EPB41L2: variants seen among roughly 807,000 people sequenced by gnomAD.
The protein encoded by EPB41L2 is band 4.1-like protein 2.
In EPB41L2, 43 loss-of-function variants were observed where a neutral mutation model predicts 113.0. That is an observed-to-expected ratio of 0.38 (90% CI 0.30 to 0.49). The LOEUF is 0.49. EPB41L2 is among the 20% of genes least tolerant of loss of function. EPB41L2 has a pLI of 0.95. For synonymous variants in EPB41L2, 442 were observed against 436.7 expected (o/e 1.01, Z -0.15); for missense variants, 1,147 against 1,223.4 (o/e 0.94, Z 0.93).
At chr6:130,874,497 T>A (rs12527744) in intron 14 of EPB41L2, among the ~76,000 whole-genome samples, 49,193 of 151,704 alleles carry the variant, frequency 0.32, 8,650 homozygotes, top group East Asian at 0.45. Flanking sequence ...AACACTCCCG[T>A]AGACAAATGC....
chr6:130,905,365 C>T lies in EPB41L2; in HGVS notation c.854-825G>A, dbSNP rs190619150. Among the ~76,000 whole-genome samples, 438 of 151,590 alleles carry T rather than the reference C, an allele frequency of 2.9e-3. 3 individuals are homozygous for T. The highest frequency in any genetic ancestry group is 0.01 in the African/African-American group (417 of 41,320). Reference sequence around the variant, plus strand: ...CCACTAGCCTGAATTTAGAGTTTGACTTCAAGTTCATAATATTTTTAAATT... The same window carrying T: ...CCACTAGCCTGAATTTAGAGTTTGATTTCAAGTTCATAATATTTTTAAATT... On this transcript the variant is annotated intron_variant, in intron 5 of 19. Coordinates refer to ENST00000337057, the MANE Select transcript of EPB41L2 (RefSeq NM_001431.4).
At chr6:130,965,468 T>G (rs759363004) in intron 1 of EPB41L2, among the ~76,000 whole-genome samples, 4 of 152,078 alleles carry the variant, frequency 2.6e-5, no homozygotes, top group Non-Finnish European at 5.9e-5. Flanking sequence ...TCAATTTTAT[T>G]TGGTCTCTAT....
intron 13 of EPB41L2, among the ~76,000 whole-genome samples, chr6:130,879,421 G>A (rs1455145155): frequency 6.6e-6 from 1 of 152,016 alleles, no homozygotes; most frequent in African/African-American, 2.4e-5. Flanking sequence ...GCTGCCAAAA[G>A]CAACCAAACA....
chr6:130,854,229 C>T (rs1409745459), intron 19 of EPB41L2, among the ~76,000 whole-genome samples: 3 of 152,120 alleles, frequency 2.0e-5, no homozygotes, highest in Admixed American at 2.0e-4. Context: ...CTTCCTGGAG[C>T]ACATCCTCTC....
At chr6:131,027,618 C>A (rs938345722) in intron 1 of EPB41L2, among the ~76,000 whole-genome samples, 3 of 152,186 alleles carry the variant, frequency 2.0e-5, no homozygotes, top group African/African-American at 7.2e-5. Context: ...AGCCAACCGT[C>A]ATAGCAATAG....
chr6:130,894,879 A>G, intron 9 of EPB41L2, 88 bp downstream of exon 9: 1 of 1,328,524 alleles, frequency 7.5e-7, no homozygotes, highest in Non-Finnish European at 1.0e-6. Flanking sequence ...ATTTTCTTAA[A>G]ATTTTAGAAT....
At chr6:131,039,454 C>T (rs1283636238) in intron 1 of EPB41L2, among the ~76,000 whole-genome samples, 1 of 152,106 alleles carries the variant, frequency 6.6e-6, no homozygotes, top group African/African-American at 2.4e-5. Context: ...AATAGCGAAA[C>T]AGTTTTATAG....
intron 1 of EPB41L2, among the ~76,000 whole-genome samples, chr6:130,959,203 G>A (rs1366148490): frequency 6.6e-6 from 1 of 152,128 alleles, no homozygotes; most frequent in African/African-American, 2.4e-5. Flanking sequence ...TGGAAATGGG[G>A]AACACCTGTA....
At chr6:130,853,542 G>A (rs1045747239) in intron 19 of EPB41L2, among the ~76,000 whole-genome samples, 1 of 152,212 alleles carries the variant, frequency 6.6e-6, no homozygotes, top group Non-Finnish European at 1.5e-5. Context: ...CAAAGATTTA[G>A]TGAAGTCCTC....
intron 1 of EPB41L2, among the ~76,000 whole-genome samples, chr6:130,979,731 C>T (rs1223498725): frequency 6.6e-6 from 1 of 151,946 alleles, no homozygotes; most frequent in African/African-American, 2.4e-5. Flanking sequence ...GACTTCCAAA[C>T]AAAGTAAGAA....
At chr6:130,927,051 C>A (rs1242770321) in intron 3 of EPB41L2, among the ~76,000 whole-genome samples, 1 of 152,156 alleles carries the variant, frequency 6.6e-6, no homozygotes, top group East Asian at 1.9e-4. Flanking sequence ...CAAGGTGGCT[C>A]ATATCTATAA....
At chr6:131,002,418 T>C (rs1404545802) in intron 1 of EPB41L2, among the ~76,000 whole-genome samples, 1 of 152,202 alleles carries the variant, frequency 6.6e-6, no homozygotes, top group Non-Finnish European at 1.5e-5. Flanking sequence ...CCTAGACCGC[T>C]AACACAGACA....
At position 130,865,413 on chromosome 6, in the gene EPB41L2, T is replaced by C. The variant is rs188822131; in HGVS notation, c.2829+123A>G. The C allele has an allele frequency of 1.3e-4, 125 of 958,180 alleles. No homozygotes were observed. The East Asian group carries it at 3.2e-3, about 25-fold the overall frequency. The allele number at this position is 958,180 out of a possible 1,614,324, so 59.4% of individuals were successfully genotyped here. A position where few individuals can be genotyped will look rare whatever the true frequency, so the allele number is the denominator to read the frequency against. The stretch of plus-strand genomic sequence containing the variant: ...TCTTGGATACTTTAAACCAAGGCAT[T>C]TTGATTCCGCTGGCACTGTCTGTAT... On this transcript the variant is annotated intron_variant, in intron 17 of 19. Coordinates refer to ENST00000337057, the MANE Select transcript of EPB41L2 (RefSeq NM_001431.4).
intron 1 of EPB41L2, among the ~76,000 whole-genome samples, chr6:130,973,662 G>A (rs963073547): frequency 6.6e-6 from 1 of 152,084 alleles, no homozygotes; most frequent in Non-Finnish European, 1.5e-5. Flanking sequence ...ATGCATATCC[G>A]ATTGCCTCTT....
intron 1 of EPB41L2, chr6:131,000,519 AAAATTCACAGGTATTCCT>A (rs1207644129): frequency 6.6e-6 from 1 of 152,230 alleles, no homozygotes; most frequent in Non-Finnish European, 1.5e-5. Context: ...CCTATGAAAC[AAAATTCACAGGTATTCCT>A]TCCGTTTGAG....
chr6:130,899,143 G>C (rs936064599), intron 8 of EPB41L2, among the ~76,000 whole-genome samples: 2 of 151,966 alleles, frequency 1.3e-5, no homozygotes, highest in Admixed American at 1.3e-4. Flanking sequence ...ACAGAGGTGG[G>C]AGAGGGAACT....
At chr6:130,979,521 G>T (rs1275573316) in intron 1 of EPB41L2, among the ~76,000 whole-genome samples, 1 of 149,832 alleles carries the variant, frequency 6.7e-6, no homozygotes, top group African/African-American at 2.5e-5. Flanking sequence ...AAAGGAAACT[G>T]GTTAAGATGA....
chr6:130,992,784 CCCAGCTAA>C (rs905456217), intron 1 of EPB41L2, among the ~76,000 whole-genome samples: 2 of 151,768 alleles, frequency 1.3e-5, no homozygotes, highest in African/African-American at 2.4e-5. Flanking sequence ...GGCCACCACG[CCCAGCTAA>C]TTTTTGTTAT....
At chr6:131,057,452 T>C (rs73775905) in intron 1 of EPB41L2, among the ~76,000 whole-genome samples, 3,998 of 152,308 alleles carry the variant, frequency 0.026, 191 homozygotes, top group African/African-American at 0.092. Context: ...CAAAGAATTA[T>C]GGCAGAGTGT....
Sources: gnomAD v4.1 joint callset for allele counts (sites outside exome capture counted in the v4.1 genomes callset) on GRCh38, gnomAD v4.1.1 for gene constraint, MANE v1.5 for transcripts, NCBI Gene and HGNC (gene_info 2026-07-23, HGNC 2026-07-21) for gene names.